PRKCE: variants seen among roughly 807,000 people sequenced by gnomAD.
The protein encoded by PRKCE is protein kinase C epsilon type.
Under a neutral mutation model 85.4 loss-of-function variants are expected in PRKCE, and 16 were observed. That is an observed-to-expected ratio of 0.19 (90% CI 0.13 to 0.28). The LOEUF (loss-of-function observed/expected upper bound fraction) is 0.28. PRKCE is among the 10% of genes least tolerant of loss of function. PRKCE has a pLI of 1.00. For missense variants in PRKCE, 573 were observed against 975.2 expected (o/e 0.59, Z 5.49); for synonymous variants, 388 against 371.5 (o/e 1.04, Z -0.51).
chr2:45,992,655 A>G (rs1205719162), intron 6 of PRKCE, among the ~76,000 whole-genome samples: 1 of 152,236 alleles, frequency 6.6e-6, no homozygotes, highest in Non-Finnish European at 1.5e-5. Flanking sequence ...TTCCTGCAGC[A>G]TACATGGGCC....
intron 1 of PRKCE, among the ~76,000 whole-genome samples, chr2:45,658,565 G>C (rs1247003401): frequency 6.6e-6 from 1 of 152,214 alleles, no homozygotes; most frequent in Non-Finnish European, 1.5e-5. Flanking sequence ...ATGTGACTTA[G>C]GCTTTTTAAG....
intron 1 of PRKCE, among the ~76,000 whole-genome samples, chr2:45,694,981 G>A (rs538493328): frequency 2.6e-5 from 4 of 152,162 alleles, no homozygotes; most frequent in African/African-American, 9.7e-5. Context: ...TTCTCCTTCA[G>A]TTTGGCTATA....
At chr2:45,848,870 C>A (rs1692010699) in intron 2 of PRKCE, among the ~76,000 whole-genome samples, 1 of 152,104 alleles carries the variant, frequency 6.6e-6, no homozygotes, top group Non-Finnish European at 1.5e-5. Flanking sequence ...CAGAATAACC[C>A]AGGAAAACTT....
intron 10 of PRKCE, among the ~76,000 whole-genome samples, chr2:46,082,085 C>G (rs900267584): frequency 9.9e-5 from 15 of 152,072 alleles, no homozygotes; most frequent in Non-Finnish European, 1.6e-4. Context: ...CAGAGCAAGA[C>G]TCTCAAAAAA....
intron 1 of PRKCE, among the ~76,000 whole-genome samples, chr2:45,791,825 G>A (rs1040898997): frequency 2.0e-5 from 3 of 152,154 alleles, no homozygotes; most frequent in Non-Finnish European, 4.4e-5. Flanking sequence ...TCAGGAGCAC[G>A]GGCTTTGACC....
At chr2:45,875,592 G>GT (rs758571160) in intron 2 of PRKCE, among the ~76,000 whole-genome samples, 51 of 152,288 alleles carry the variant, frequency 3.3e-4, no homozygotes, top group African/African-American at 1.2e-3. Flanking sequence ...GAGGGATTGA[G>GT]TTTTTTGTTG....
intron 10 of PRKCE, among the ~76,000 whole-genome samples, chr2:46,081,450 A>T (rs556408292): frequency 2.4e-4 from 36 of 152,262 alleles, no homozygotes; most frequent in Non-Finnish European, 4.4e-4. Flanking sequence ...GCCCTCATGA[A>T]GCACACAGAC....
At chr2:45,825,577 T>A (rs4953265) in intron 1 of PRKCE, among the ~76,000 whole-genome samples, 92,141 of 152,106 alleles carry the variant, frequency 0.61, 28,556 homozygotes, top group African/African-American at 0.73. Context: ...ATGTTACACC[T>A]GATTTAATAA....
chr2:45,871,492 A>G (rs1434426536), intron 2 of PRKCE, among the ~76,000 whole-genome samples: 1 of 152,222 alleles, frequency 6.6e-6, no homozygotes, highest in Non-Finnish European at 1.5e-5. Context: ...TGAAAATGCA[A>G]ACTTGTTTTC....
At chr2:46,029,122 G>A (rs34537021) in intron 10 of PRKCE, among the ~76,000 whole-genome samples, 42,935 of 152,010 alleles carry the variant, frequency 0.28, 6,701 homozygotes, top group Middle Eastern at 0.38. Flanking sequence ...TGTTCTTATG[G>A]CACTTACTAT....
intron 1 of PRKCE, among the ~76,000 whole-genome samples, chr2:45,767,306 C>T (rs1684990187): frequency 1.3e-5 from 2 of 152,144 alleles, no homozygotes; most frequent in African/African-American, 4.8e-5. Flanking sequence ...AGTAAAAAAT[C>T]TGCACAGCAA....
At chr2:46,062,448 A>G (rs1667235220) in intron 10 of PRKCE, among the ~76,000 whole-genome samples, 1 of 152,128 alleles carries the variant, frequency 6.6e-6, no homozygotes. Context: ...CAGTGTGCCA[A>G]GAACACTCTT....
intron 1 of PRKCE, among the ~76,000 whole-genome samples, chr2:45,710,912 G>C (rs1296770386): frequency 3.3e-5 from 5 of 152,330 alleles, no homozygotes; most frequent in African/African-American, 1.2e-4. Flanking sequence ...CTGGGAGAGA[G>C]GGGGGACCTT....
chr2:45,732,600 T>A (rs971684604), intron 1 of PRKCE, among the ~76,000 whole-genome samples: 3 of 152,206 alleles, frequency 2.0e-5, no homozygotes, highest in African/African-American at 7.2e-5. Context: ...CATTATAATA[T>A]CTTAGATGCT....
intron 1 of PRKCE, among the ~76,000 whole-genome samples, chr2:45,742,511 A>G (rs1408350556): frequency 6.6e-6 from 1 of 152,204 alleles, no homozygotes; most frequent in Non-Finnish European, 1.5e-5. Flanking sequence ...CAACAGGTAT[A>G]TGAAAGGGTG....
chr2:46,042,910 A>C (rs1295278658), intron 10 of PRKCE, among the ~76,000 whole-genome samples: 2 of 152,182 alleles, frequency 1.3e-5, no homozygotes, highest in Non-Finnish European at 2.9e-5. Context: ...CATTTTTACT[A>C]GAAGAAGAAA....
chr2:45,979,967 C>T (rs1412826204), intron 4 of PRKCE, among the ~76,000 whole-genome samples: 1 of 152,044 alleles, frequency 6.6e-6, no homozygotes, highest in Admixed American at 6.6e-5. Flanking sequence ...AGGCAGTGCT[C>T]CATGGGAGGG....
At chr2:46,047,500 G>A (rs1028932629) in intron 10 of PRKCE, among the ~76,000 whole-genome samples, 1 of 152,226 alleles carries the variant, frequency 6.6e-6, no homozygotes, top group Non-Finnish European at 1.5e-5. Context: ...GCAGTGCTGT[G>A]TGGTCAGTGG....
chr2:45,980,139 T>C lies in PRKCE; in HGVS notation c.608-157T>C, dbSNP rs539105045. Among the ~76,000 whole-genome samples the C allele has an allele frequency of 7.2e-3, 1,090 of 152,288 alleles. 6 individuals are homozygous for C. The highest frequency in any genetic ancestry group is 0.011 in the Non-Finnish European group (778 of 68,012). On this transcript the variant is annotated intron_variant, in intron 4 of 14. Coordinates refer to ENST00000306156, the MANE Select transcript of PRKCE (RefSeq NM_005400.3). ...GCTCTGATAGGACAGTGTTTTGAAA[T>C]AGCTGTATAAAAGACTTTAGGGAGG...
Sources: allele counts gnomAD v4.1 joint callset (sites outside exome capture counted in the v4.1 genomes callset), GRCh38; gene constraint gnomAD v4.1.1; transcripts MANE v1.5; gene names NCBI Gene and HGNC (gene_info 2026-07-23, HGNC 2026-07-21).